ASXL1: variants seen among roughly 807,000 people sequenced by gnomAD.
ASXL1 encodes the protein polycomb group protein ASXL1.
In ASXL1, 65 loss-of-function variants were observed where a neutral mutation model predicts 89.1. The observed-to-expected ratio is 0.73, with a 90% CI of 0.60 to 0.90. ASXL1 has a LOEUF of 0.90. Among genes scored for constraint, ASXL1 ranks in the 40% least tolerant of loss-of-function variants. The pLI, the probability that ASXL1 is intolerant of heterozygous loss-of-function variation, is 0.00. For missense variants in ASXL1, 1,786 were observed against 1,942.9 expected, an observed-to-expected ratio of 0.92 and a Z score of 1.52; for synonymous variants, 739 against 746.9, an observed-to-expected ratio of 0.99 and a Z score of 0.17.
chr20:32,411,360 T>C (rs938233533), intron 4 of ASXL1, among the ~76,000 whole-genome samples: 1 of 150,236 alleles, frequency 6.7e-6, no homozygotes, highest in Admixed American at 6.7e-5. Context: ...CACGAGTAGC[T>C]GGGGTTACAG....
At chr20:32,402,877 T>C (rs944851187) in intron 4 of ASXL1, among the ~76,000 whole-genome samples, 3 of 152,226 alleles carry the variant, frequency 2.0e-5, no homozygotes, top group African/African-American at 4.8e-5. Flanking sequence ...TCCTAATCTT[T>C]TAATTTGCCT....
At chr20:32,373,242 T>G (rs4911221) in intron 4 of ASXL1, among the ~76,000 whole-genome samples, 56,849 of 151,476 alleles carry the variant, frequency 0.38, 11,307 homozygotes, top group East Asian at 0.74. Context: ...CCGGGCGTGG[T>G]TGTGCACGCC....
chr20:32,424,511 G>A, intron 4 of ASXL1, among the ~76,000 whole-genome samples: 1 of 152,132 alleles, frequency 6.6e-6, no homozygotes. Flanking sequence ...CTCCATCCTG[G>A]GTGACAGAGC....
chr20:32,366,528 G>A, intron 2 of ASXL1, 62 bp downstream of exon 2: 3 of 1,612,316 alleles, frequency 1.9e-6, no homozygotes, highest in Non-Finnish European at 1.7e-6. Context: ...TTCTGTAGTT[G>A]TAGTGATATG....
intron 4 of ASXL1, among the ~76,000 whole-genome samples, chr20:32,407,362 T>C (rs1047169533): frequency 4.0e-5 from 6 of 151,796 alleles, no homozygotes; most frequent in Non-Finnish European, 8.8e-5. Context: ...AAAAAAGAAT[T>C]GAAATATATG....
intron 1 of ASXL1, chr20:32,359,936 G>A: frequency 1.5e-6 from 1 of 688,336 alleles, no homozygotes; most frequent in South Asian, 1.6e-5. Flanking sequence ...TTGTGGTGCG[G>A]ATAGCATAAG....
At chr20:32,376,014 A>T (rs142372659) in intron 4 of ASXL1, among the ~76,000 whole-genome samples, 1 of 152,174 alleles carries the variant, frequency 6.6e-6, no homozygotes, top group African/African-American at 2.4e-5. Flanking sequence ...ACTAATAAAA[A>T]TGTAGAAATC....
chr20:32,423,448 C>T (rs1156738794), intron 4 of ASXL1, among the ~76,000 whole-genome samples: 2 of 152,008 alleles, frequency 1.3e-5, no homozygotes, highest in African/African-American at 2.4e-5. Flanking sequence ...CATGTTGGCC[C>T]AGGCTGGTCT....
chr20:32,393,629 AC>A (rs1189148579), intron 4 of ASXL1, among the ~76,000 whole-genome samples: 1 of 151,608 alleles, frequency 6.6e-6, no homozygotes, highest in African/African-American at 2.4e-5. Context: ...CTGACACCAC[AC>A]CCGGCTAATT....
At chr20:32,400,246 T>C (rs956546451) in intron 4 of ASXL1, among the ~76,000 whole-genome samples, 4 of 152,220 alleles carry the variant, frequency 2.6e-5, no homozygotes, top group African/African-American at 9.6e-5. Context: ...AGTATACTTT[T>C]TTTTCCTTGC....
intron 4 of ASXL1, among the ~76,000 whole-genome samples, chr20:32,420,527 C>T (rs955475361): frequency 1.3e-5 from 2 of 151,952 alleles, no homozygotes; most frequent in Non-Finnish European, 2.9e-5. Context: ...TTCTAGTTAC[C>T]TTGCCAAACT....
Position 32,437,275 on chromosome 20 carries a change from G to A in ASXL1, c.4563G>A (p.Ala1521=), listed in dbSNP as rs780205519. The A allele has an allele frequency of 3.0e-5, 49 of 1,614,048 alleles. No homozygotes were observed. Among genetic ancestry groups the A allele is most frequent in the East Asian group, 6.7e-5 (3 of 44,902 alleles). The change falls in exon 13 of 13, where the codon GCG becomes GCA. Residue 1521 remains alanine (A), a synonymous_variant. Transcript: ENST00000375687. ...TGATCATGTGCCAAGGCTGCGGTGC[G>A]TTCTGTCACGATGACTGTATTGGAC... ...KAMIMCQGCG[A]FCHDDCIGPS... is the part of the protein sequence containing the mutation.
rs577821312 is a variant in ASXL1 at position 32,426,882 on chromosome 20, T to G, written c.253-1246T>G. 2.6e-5 allele frequency among the ~76,000 whole-genome samples: 4 copies of G among 152,238 alleles called. No homozygotes were observed. The South Asian group carries it at 8.3e-4, about 32-fold the overall frequency. On this transcript the variant is annotated intron_variant, in intron 4 of 12. Coordinates refer to ENST00000375687, the MANE Select transcript of ASXL1 (RefSeq NM_015338.6). ...TGGCCTCTTTTTTATTAATTTAAGA[T>G]ACATGATTTTGGCTAAAACTAATGA... is the stretch of plus-strand genomic sequence containing the variant.
intron 1 of ASXL1, among the ~76,000 whole-genome samples, chr20:32,363,640 T>A (rs2122789358): frequency 6.6e-6 from 1 of 152,282 alleles, no homozygotes; most frequent in South Asian, 2.1e-4. Flanking sequence ...TATGAAACAA[T>A]GGGAACATTG....
intron 4 of ASXL1, among the ~76,000 whole-genome samples, chr20:32,369,829 A>G (rs2048270235): frequency 6.7e-6 from 1 of 148,258 alleles, no homozygotes; most frequent in South Asian, 2.1e-4. Context: ...CCCAGGTTCA[A>G]GCAATTCTTC....
intron 4 of ASXL1, among the ~76,000 whole-genome samples, chr20:32,400,900 A>G (rs566908066): frequency 6.6e-6 from 1 of 152,318 alleles, no homozygotes; most frequent in East Asian, 1.9e-4. Context: ...AGCATCTTGA[A>G]AGCTATAGTT....
chr20:32,372,545 A>T, intron 4 of ASXL1: 2 of 343,470 alleles, frequency 5.8e-6, no homozygotes, highest in Non-Finnish European at 8.7e-6. Context: ...TATATATTTA[A>T]TGAACGAATT....
chr20:32,424,262 C>T (rs1030331018), intron 4 of ASXL1, among the ~76,000 whole-genome samples: 5 of 152,112 alleles, frequency 3.3e-5, no homozygotes, highest in African/African-American at 7.2e-5. Flanking sequence ...AGGCTAGGTA[C>T]GGTGGCTCAC....
chr20:32,377,736 TC>T (rs2048409641), intron 4 of ASXL1, among the ~76,000 whole-genome samples: 1 of 150,938 alleles, frequency 6.6e-6, no homozygotes, highest in African/African-American at 2.4e-5. Context: ...CACTGCAACC[TC>T]CGCCTCCCAG....
Sources: allele counts gnomAD v4.1 joint callset (sites outside exome capture counted in the v4.1 genomes callset), GRCh38; gene constraint gnomAD v4.1.1; transcripts MANE v1.5; gene names NCBI Gene and HGNC (gene_info 2026-07-23, HGNC 2026-07-21).